TXNDC12: variants seen among roughly 807,000 people sequenced by gnomAD.
The protein encoded by TXNDC12 is thioredoxin domain containing 12.
In TXNDC12, 22 loss-of-function variants were observed where a neutral mutation model predicts 24.2. The observed-to-expected ratio is 0.91, with a 90% CI of 0.65 to 1.30. TXNDC12 has a LOEUF of 1.30. TXNDC12 is among the 50% of genes most tolerant of loss of function. The pLI is 0.00. For missense variants in TXNDC12, 184 were observed against 205.8 expected (o/e 0.89, Z 0.65); for synonymous variants, 58 against 73.4 (o/e 0.79, Z 1.07).
chr1:52,032,648 A>G (rs1027692604), intron 2 of TXNDC12: 5 of 1,537,386 alleles, frequency 3.3e-6, no homozygotes, highest in Middle Eastern at 1.8e-4. Flanking sequence ...CCAGAGAAAT[A>G]AAGTGGAGTG....
At chr1:52,033,802 T>G in intron 2 of TXNDC12, 5 of 1,519,394 alleles carry the variant, frequency 3.3e-6, no homozygotes, top group Non-Finnish European at 4.4e-6. Flanking sequence ...CTGCGCCAAC[T>G]TCCGGGTTGT....
chr1:52,023,584 A>T lies in TXNDC12; in HGVS notation c.356-10T>A. 6.2e-7 allele frequency: 1 copy of T among 1,605,378 alleles called. No individual in the cohort carries two copies. The highest frequency in any genetic ancestry group is 8.5e-7 in the Non-Finnish European group (1 of 1,172,378). On this transcript the variant is annotated splice_polypyrimidine_tract_variant and intron_variant, in intron 5 of 6. Coordinates refer to ENST00000371626, the MANE Select transcript of TXNDC12 (RefSeq NM_015913.4). ...ACCTTGCCACTGGGATCTGTTATAGACAAAATGACACAGAGTTTTGCAGTA... is the reference window on the plus strand; with the variant it reads ...ACCTTGCCACTGGGATCTGTTATAGTCAAAATGACACAGAGTTTTGCAGTA...
intron 2 of TXNDC12, chr1:52,033,892 G>C (rs1685833316): frequency 7.0e-7 from 1 of 1,433,490 alleles, no homozygotes; most frequent in Admixed American, 2.9e-5. Flanking sequence ...TGTTTCTATG[G>C]AAACAGGAGT....
intron 6 of TXNDC12, among the ~76,000 whole-genome samples, chr1:52,021,252 T>C (rs949942556): frequency 2.0e-5 from 3 of 152,122 alleles, no homozygotes; most frequent in Non-Finnish European, 2.9e-5. Context: ...AATGGGAGAA[T>C]GGATAATAAA....
chr1:52,054,864 G>C, intron 1 of TXNDC12, 136 bp downstream of exon 1: 1 of 625,642 alleles, frequency 1.6e-6, no homozygotes, highest in East Asian at 2.9e-5. Flanking sequence ...CTCCAGGAGC[G>C]GTTGGGGAAG....
intron 2 of TXNDC12, chr1:52,030,575 T>C (rs1158020310): frequency 6.6e-6 from 1 of 152,242 alleles, no homozygotes; most frequent in East Asian, 1.9e-4. Context: ...AAAGGTAGTA[T>C]AGATTACCTG....
At position 52,020,388 on chromosome 1, in the gene TXNDC12, G is replaced by A. The variant is rs1685574899; in HGVS notation, c.*545C>T. On this transcript the variant is annotated 3_prime_UTR_variant, in exon 7 of 7. Transcript: ENST00000371626. Reference sequence around the variant, plus strand: ...AAGAGGAAAGAGGCTGTAGAAATTTGGGAAGAAGCCCACAATTATTCCCAG... The same window carrying A: ...AAGAGGAAAGAGGCTGTAGAAATTTAGGAAGAAGCCCACAATTATTCCCAG... 6.5e-6 allele frequency: 2 copies of A among 306,186 alleles called. No homozygotes were observed. The highest frequency in any genetic ancestry group is 1.0e-3 in the Middle Eastern group (1 of 1,000). The allele number at this position is 306,186 out of a possible 1,614,324, so 19.0% of individuals were successfully genotyped here. A position where few individuals can be genotyped will look rare whatever the true frequency, so the allele number is the denominator to read the frequency against.
At chr1:52,034,157 C>T in intron 2 of TXNDC12, 2 of 851,610 alleles carry the variant, frequency 2.3e-6, no homozygotes, top group Non-Finnish European at 1.6e-6. Context: ...CCTACTGGCT[C>T]TCAGTAAATG....
At chr1:52,025,428 C>T (rs1295467884) in intron 4 of TXNDC12, among the ~76,000 whole-genome samples, 1 of 152,128 alleles carries the variant, frequency 6.6e-6, no homozygotes, top group Non-Finnish European at 1.5e-5. Context: ...CCATGTTAGC[C>T]AGGATGGTCT....
At chr1:52,041,299 C>T (rs1557996456) in intron 2 of TXNDC12, among the ~76,000 whole-genome samples, 1 of 151,506 alleles carries the variant, frequency 6.6e-6, no homozygotes, top group Non-Finnish European at 1.5e-5. Flanking sequence ...TGCCACTGCA[C>T]TCCAGCCTGG....
intron 1 of TXNDC12, among the ~76,000 whole-genome samples, chr1:52,043,714 G>A (rs981312303): frequency 1.3e-5 from 2 of 152,202 alleles, no homozygotes; most frequent in African/African-American, 4.8e-5. Flanking sequence ...AGACTTCTGA[G>A]GCTCAGAGAA....
intron 2 of TXNDC12, among the ~76,000 whole-genome samples, chr1:52,038,371 G>C (rs548220502): frequency 7.3e-5 from 11 of 151,522 alleles, no homozygotes; most frequent in African/African-American, 2.7e-4. Flanking sequence ...GAGTGCAGTG[G>C]GGGGATCTCG....
At chr1:52,027,722 GTA>G (rs1685691044) in intron 3 of TXNDC12, among the ~76,000 whole-genome samples, 1 of 150,010 alleles carries the variant, frequency 6.7e-6, no homozygotes, top group Non-Finnish European at 1.5e-5. Flanking sequence ...ATACATATAT[GTA>G]TGTGTGTATA....
intron 2 of TXNDC12, chr1:52,032,257 A>G: frequency 2.0e-6 from 2 of 989,624 alleles, no homozygotes; most frequent in Non-Finnish European, 2.4e-6. Context: ...ACAGTACTCA[A>G]AAAATACTTT....
chr1:52,041,646 A>ACTTCCTTCTTGGGACT, intron 1 of TXNDC12, 49 bp from the exon 2 acceptor site: 1 of 1,270,870 alleles, frequency 7.9e-7, no homozygotes, highest in Non-Finnish European at 1.1e-6. Context: ...CAAAGGGCAC[A>ACTTCCTTCTTGGGACT]GTCCCAAGAA....
chr1:52,024,618 C>A, intron 4 of TXNDC12, 39 bp from the exon 5 acceptor site: 1 of 1,500,836 alleles, frequency 6.7e-7, no homozygotes, highest in Non-Finnish European at 9.1e-7. Flanking sequence ...CAGATAACGT[C>A]CTCTCTCTCC....
Position 52,020,608 on chromosome 1 carries a change from G to T in TXNDC12, c.*325C>A. The T allele has an allele frequency of 3.1e-6, 1 of 325,918 alleles. No homozygotes were observed. Among genetic ancestry groups the T allele is most frequent in the South Asian group, 7.2e-5 (1 of 13,860 alleles). The allele number at this position is 325,918 out of a possible 1,614,324, so 20.2% of individuals were successfully genotyped here. ...AGTAAAGTGGGAGGAAATGGGAAAA[G>T]ACTCAAATACTTAAGTGCGAGGAGT... On this transcript the variant is annotated 3_prime_UTR_variant, in exon 7 of 7. Coordinates refer to ENST00000371626, the MANE Select transcript of TXNDC12 (RefSeq NM_015913.4).
chr1:52,049,476 C>T (rs901121490), intron 1 of TXNDC12, among the ~76,000 whole-genome samples: 2 of 152,008 alleles, frequency 1.3e-5, no homozygotes, highest in African/African-American at 4.8e-5. Context: ...ATCCCAACTA[C>T]TTGGGAGGCT....
At chr1:52,035,488 C>T (rs534269015) in intron 2 of TXNDC12, among the ~76,000 whole-genome samples, 168 of 152,188 alleles carry the variant, frequency 1.1e-3, no homozygotes, top group Non-Finnish European at 2.2e-3. Context: ...GGGTAGATCA[C>T]CTGAGGTCAG....
Sources: allele counts gnomAD v4.1 joint callset (sites outside exome capture counted in the v4.1 genomes callset), GRCh38; gene constraint gnomAD v4.1.1; transcripts MANE v1.5; gene names NCBI Gene and HGNC (gene_info 2026-07-23, HGNC 2026-07-21).